The following DSG2 variants were observed in gnomAD, a reference collection of about 807,000 sequenced individuals.
DSG2 encodes the protein desmoglein 2.
DSG2 carries 45 observed loss-of-function variants against 75.6 expected under a neutral mutation model. The ratio of observed to expected loss-of-function variants is 0.60; its 90% confidence interval spans 0.47 to 0.76. DSG2 has a LOEUF of 0.76. DSG2 is among the 30% of genes least tolerant of loss of function. DSG2 has a pLI of 0.00. For missense variants in DSG2, 1,267 were observed against 1,357.4 expected, an observed-to-expected ratio of 0.93 and a Z score of 1.05; for synonymous variants, 429 against 483.9, an observed-to-expected ratio of 0.89 and a Z score of 1.49.
chr18:31,506,954 T>C (rs2073041993), intron 1 of DSG2, among the ~76,000 whole-genome samples: 1 of 152,136 alleles, frequency 6.6e-6, no homozygotes, highest in African/African-American at 2.4e-5. Context: ...ATACTTTAAG[T>C]TCTGGGGTAC....
At position 31,538,868 on chromosome 18, in the gene DSG2, T is replaced by A. The variant is rs2144346704; in HGVS notation, c.1769T>A (p.Val590Asp). The change falls in exon 12 of 15, where the codon GTT becomes GAT. Residue 590 changes from valine (V) to aspartate (D), a missense_variant. By Grantham distance (152) the Val-to-Asp change is radical. Transcript: ENST00000261590. ...GAAAAGCAGGTCCTTACACTCACAG[T>A]TTGTGAGTGTCTGCATGGCAGCGGC... ...CPEKQVLTLT[V>D]CECLHGSGCR... 1 of 1,613,986 alleles carries A rather than the reference T, an allele frequency of 6.2e-7. No individual in the cohort carries two copies. The highest frequency in any genetic ancestry group is 8.5e-7 in the Non-Finnish European group (1 of 1,179,886).
At chr18:31,538,648 G>A (rs2073246657) in intron 11 of DSG2, 103 bp from the exon 12 acceptor site, 2 of 950,594 alleles carry the variant, frequency 2.1e-6, no homozygotes, top group South Asian at 1.4e-5. Flanking sequence ...TACCTAATTG[G>A]AGTTAAATAC....
intron 14 of DSG2, 38 bp downstream of exon 14, chr18:31,542,890 G>C: frequency 9.8e-7 from 1 of 1,024,674 alleles, no homozygotes; most frequent in South Asian, 1.7e-5. Flanking sequence ...TGGGGGGTGG[G>C]GGGAACATTT....
chr18:31,537,480 G>A (rs527779365), intron 11 of DSG2, among the ~76,000 whole-genome samples: 13 of 151,990 alleles, frequency 8.6e-5, no homozygotes, highest in South Asian at 8.3e-4. Context: ...TTAGCCGGGC[G>A]TGGTGGCAGG....
At chr18:31,503,927 G>A (rs868572982) in intron 1 of DSG2, among the ~76,000 whole-genome samples, 113 of 152,312 alleles carry the variant, frequency 7.4e-4, no homozygotes, top group African/African-American at 2.6e-3. Context: ...TTGGGCACGT[G>A]TGAAGAATTT....
Position 31,548,261 on chromosome 18 carries a change from T to G in DSG2, c.*1518T>G, listed in dbSNP as rs947993518. The G allele has an allele frequency of 6.6e-6, 1 of 152,212 alleles. No homozygotes were observed. The highest frequency in any genetic ancestry group is 6.5e-5 in the Admixed American group (1 of 15,284). 9.4% of individuals were successfully genotyped at this position (152,212 alleles called of 1,614,324 possible). A position where few individuals can be genotyped will look rare whatever the true frequency, so the allele number is the denominator to read the frequency against. On this transcript the variant is annotated 3_prime_UTR_variant, in exon 15 of 15. Coordinates refer to ENST00000261590, the MANE Select transcript of DSG2 (RefSeq NM_001943.5). ...TATATTTTATTGCTTCTAGAAACAATGTTTCAAAATATATGTGCATTATCA... is the reference window on the plus strand; with the variant it reads ...TATATTTTATTGCTTCTAGAAACAAGGTTTCAAAATATATGTGCATTATCA...
chr18:31,537,993 C>T (rs527716368), intron 11 of DSG2, among the ~76,000 whole-genome samples: 32 of 152,076 alleles, frequency 2.1e-4, no homozygotes, highest in African/African-American at 7.7e-4. Context: ...GACTCCATTT[C>T]AAAAAATAAG....
chr18:31,531,119 A>G lies in DSG2; in HGVS notation c.1147A>G (p.Lys383Glu). Residue 383 changes from lysine to glutamate, a missense_variant, in exon 9 of 15, where the codon AAA (lysine) becomes GAA (glutamate). Coordinates refer to ENST00000261590, the MANE Select transcript of DSG2 (RefSeq NM_001943.5). ...IPIKVKVKNV[K>E]EGIHFKSSVI... ...CATCAAGGTCAAAGTGAAAAATGTG[A>G]AAGAAGGCATTCATTTTAAAAGCAG... 1 of 1,614,134 alleles carries G rather than the reference A, an allele frequency of 6.2e-7. No individual in the cohort carries two copies. Among genetic ancestry groups the G allele is most frequent in the Non-Finnish European group, 8.5e-7 (1 of 1,180,008 alleles).
rs1456845187 is a variant in DSG2, at chr18:31,519,879, C to T, written c.158C>T (p.Thr53Ile). ...GTGCGGCAAAAGCGCGCCTGGATCA[C>T]CGCCCCCGTGGCTCTTCGGGAGGGA... is the stretch of plus-strand genomic sequence containing the variant. The part of the protein sequence containing the change: ...HLVRQKRAWI[T>I]APVALREGED... The change falls in exon 3 of 15, where the codon ACC becomes ATC. Residue 53 changes from threonine to isoleucine, a missense_variant. Thr to Ile is a moderately conservative substitution (Grantham distance 89, BLOSUM62 -1). Transcript: ENST00000261590. 1.2e-6 allele frequency: 2 copies of T among 1,614,182 alleles called. No individual in the cohort carries two copies. The highest frequency in any genetic ancestry group is 1.1e-5 in the South Asian group (1 of 91,084).
chr18:31,535,707 T>A (rs1403634855), intron 10 of DSG2, among the ~76,000 whole-genome samples: 5 of 151,746 alleles, frequency 3.3e-5, no homozygotes, highest in Admixed American at 3.3e-4. Context: ...GGCAGGAGAA[T>A]TGCTTGAACC....
At chr18:31,514,576 T>C (rs999028672) in intron 1 of DSG2, among the ~76,000 whole-genome samples, 1 of 152,178 alleles carries the variant, frequency 6.6e-6, no homozygotes, top group African/African-American at 2.4e-5. Flanking sequence ...AACAAACAAA[T>C]GATATTTCAT....
chr18:31,514,262 T>C (rs2073081952), intron 1 of DSG2, among the ~76,000 whole-genome samples: 1 of 152,218 alleles, frequency 6.6e-6, no homozygotes, highest in Non-Finnish European at 1.5e-5. Context: ...TGGTACTATC[T>C]TTGCAACATT....
rs2073124837 is a variant in DSG2 at position 31,521,077 on chromosome 18, CTTAT to C, written c.379-17_379-14del. ...TTAGTTTTCTTAGCTTAAATCTAAT[CTTAT>C]TTATGTCATGATTTCAGCTAACAGG... On this transcript the variant is annotated intron_variant, in intron 4 of 14. Coordinates refer to ENST00000261590, the MANE Select transcript of DSG2 (RefSeq NM_001943.5). The C allele has an allele frequency of 6.2e-7, 1 of 1,613,396 alleles. No homozygotes were observed. Among genetic ancestry groups the C allele is most frequent in the Non-Finnish European group, 8.5e-7 (1 of 1,179,792 alleles).
At chr18:31,523,946 A>T (rs781443714) in intron 6 of DSG2, among the ~76,000 whole-genome samples, 10 of 152,202 alleles carry the variant, frequency 6.6e-5, no homozygotes, top group Non-Finnish European at 1.2e-4. Context: ...ACAGAACCAT[A>T]GTAAGGGGAC....
chr18:31,532,887 T>C (rs1156488589), intron 9 of DSG2, among the ~76,000 whole-genome samples: 1 of 150,448 alleles, frequency 6.6e-6, no homozygotes. Context: ...TCCCACCAAA[T>C]TATTGACTTT....
At chr18:31,523,331 A>AGG (rs2073140951) in intron 6 of DSG2, among the ~76,000 whole-genome samples, 1 of 151,912 alleles carries the variant, frequency 6.6e-6, no homozygotes, top group East Asian at 1.9e-4. Flanking sequence ...AACCCAGGGG[A>AGG]CAGAGCTTGC....
chr18:31,536,470 A>G, intron 11 of DSG2, 41 bp downstream of exon 11: 1 of 1,530,444 alleles, frequency 6.5e-7, no homozygotes, highest in South Asian at 1.1e-5. Context: ...CTAAATATTA[A>G]GCATGATATC....
At chr18:31,508,746 G>C (rs4799310) in intron 1 of DSG2, among the ~76,000 whole-genome samples, 86,004 of 152,020 alleles carry the variant, frequency 0.57, 27,038 homozygotes, top group African/African-American at 0.87. Context: ...TCACACATCT[G>C]TCTGTAACTA....
chr18:31,523,783 T>C (rs1035940595), intron 6 of DSG2, among the ~76,000 whole-genome samples: 2 of 152,236 alleles, frequency 1.3e-5, no homozygotes, highest in Non-Finnish European at 2.9e-5. Flanking sequence ...AATAAGTGCA[T>C]GTCCAACACA....
Sources: gnomAD v4.1 joint callset for allele counts (sites outside exome capture counted in the v4.1 genomes callset) on GRCh38, gnomAD v4.1.1 for gene constraint, MANE v1.5 for transcripts, NCBI Gene and HGNC (gene_info 2026-07-23, HGNC 2026-07-21) for gene names.